Variants in PTPRE observed in about 807,000 individuals in gnomAD.
PTPRE encodes the protein protein tyrosine phosphatase receptor type E, also known as receptor-type tyrosine-protein phosphatase epsilon.
In PTPRE, 51 loss-of-function variants were observed where a neutral mutation model predicts 102.0. That is an observed-to-expected ratio of 0.50 (90% CI 0.40 to 0.63). The LOEUF is 0.63. PTPRE is among the 30% of genes least tolerant of loss of function. PTPRE has a pLI of 0.00. For missense variants in PTPRE, 752 were observed against 915.1 expected (o/e 0.82, Z 2.30); for synonymous variants, 345 against 348.2 (o/e 0.99, Z 0.10).
intron 12 of PTPRE, chr10:128,069,392 A>G: frequency 3.0e-6 from 1 of 334,496 alleles, no homozygotes; most frequent in Non-Finnish European, 5.5e-6. Context: ...TCACACATAT[A>G]AGAAGAAGAC....
chr10:128,049,887 G>T (rs970540934), intron 6 of PTPRE, among the ~76,000 whole-genome samples: 1 of 152,182 alleles, frequency 6.6e-6, no homozygotes, highest in Non-Finnish European at 1.5e-5. Context: ...TTAGAGGTTT[G>T]TGAAGCCTCC....
rs550848793 is a variant in PTPRE at position 128,073,722 on chromosome 10, T to C, written c.1599+251T>C. Among the ~76,000 whole-genome samples the C allele has an allele frequency of 2.0e-5, 3 of 152,232 alleles. No homozygotes were observed. In the South Asian group the frequency reaches 6.2e-4, roughly 31 times the overall value. On this transcript the variant is annotated intron_variant, in intron 17 of 20. Transcript: ENST00000254667. ...AGCCTACATGTTATTTAACCTGCCCTGAAATTCTGCCATTTGGTATTGGCC... is the reference window on the plus strand; with the variant it reads ...AGCCTACATGTTATTTAACCTGCCCCGAAATTCTGCCATTTGGTATTGGCC...
intron 20 of PTPRE, among the ~76,000 whole-genome samples, chr10:128,080,424 C>T (rs1186307450): frequency 6.6e-6 from 1 of 152,208 alleles, no homozygotes; most frequent in Non-Finnish European, 1.5e-5. Context: ...AGGAAGGAGG[C>T]CCTTCTACGT....
chr10:127,981,442 T>C (rs1056434146), intron 1 of PTPRE, among the ~76,000 whole-genome samples: 1 of 152,232 alleles, frequency 6.6e-6, no homozygotes, highest in African/African-American at 2.4e-5. Context: ...AACTGCACAC[T>C]TTAAACAAGT....
At chr10:128,049,088 G>A (rs1018176040) in intron 5 of PTPRE, among the ~76,000 whole-genome samples, 11 of 152,162 alleles carry the variant, frequency 7.2e-5, no homozygotes, top group Admixed American at 3.9e-4. Context: ...TTATGAAGAA[G>A]AAAAGGCTGA....
intron 1 of PTPRE, among the ~76,000 whole-genome samples, chr10:127,969,789 T>C (rs1850573853): frequency 6.6e-6 from 1 of 152,042 alleles, no homozygotes; most frequent in Non-Finnish European, 1.5e-5. Context: ...AAATTATACA[T>C]CTGGAGAATC....
intron 2 of PTPRE, among the ~76,000 whole-genome samples, chr10:127,996,375 G>A (rs890847890): frequency 1.2e-4 from 18 of 152,352 alleles, no homozygotes; most frequent in Admixed American, 8.5e-4. Context: ...GGACGTGAGT[G>A]GTTGCGTGTT....
chr10:128,028,047 C>T lies in PTPRE; in HGVS notation c.-7-12828C>T, dbSNP rs142560112. Among the ~76,000 whole-genome samples, 38 of 152,338 alleles carry T rather than the reference C, an allele frequency of 2.5e-4. No homozygotes were observed. The East Asian group carries it at 6.6e-3, about 26-fold the overall frequency. ...CAGAGGCTTCAGGGGAGGGTTCCGG[C>T]TTTGGCTGGGGGCGTGGGAGTCTCC... On this transcript the variant is annotated intron_variant, in intron 2 of 20. Transcript: ENST00000254667. The surrounding 1 kb of genome is among the most constrained non-coding windows in gnomAD (Gnocchi z 4.5).
At chr10:127,913,564 G>A (rs1231654127) in intron 1 of PTPRE, among the ~76,000 whole-genome samples, 4 of 152,186 alleles carry the variant, frequency 2.6e-5, no homozygotes, top group Admixed American at 2.6e-4. Flanking sequence ...GCATTTTTCA[G>A]GCTGTGTCTC....
At chr10:127,985,761 G>A (rs1307615855) in intron 2 of PTPRE, among the ~76,000 whole-genome samples, 1 of 151,906 alleles carries the variant, frequency 6.6e-6, no homozygotes, top group African/African-American at 2.4e-5. Flanking sequence ...TTTACTAGCA[G>A]TATTCCAATT....
intron 2 of PTPRE, among the ~76,000 whole-genome samples, chr10:128,013,171 G>A (rs1845151656): frequency 6.6e-6 from 1 of 152,156 alleles, no homozygotes; most frequent in Admixed American, 6.5e-5. Flanking sequence ...TTTACCAACA[G>A]AGTGTCAGTA....
At chr10:128,046,274 C>A (rs1025464357) in intron 3 of PTPRE, among the ~76,000 whole-genome samples, 1 of 152,162 alleles carries the variant, frequency 6.6e-6, no homozygotes, top group African/African-American at 2.4e-5. Flanking sequence ...GTGAGCGGAG[C>A]CTCTGGGGCT....
rs757316163 is a variant in PTPRE at position 128,041,002 on chromosome 10, T to A, written c.109+12T>A. 4.3e-6 allele frequency: 7 copies of A among 1,611,058 alleles called. No individual in the cohort carries two copies. In the East Asian group the frequency reaches 1.6e-4, roughly 36 times the overall value. The stretch of plus-strand genomic sequence containing the variant: ...AACCACGACCTCAGGTAAGGACCCC[T>A]TTCCCTGGCTGCCTCCCCTACTACC... On this transcript the variant is annotated intron_variant, in intron 3 of 20. Coordinates refer to ENST00000254667, the MANE Select transcript of PTPRE (RefSeq NM_006504.6).
At chr10:127,987,877 A>G (rs1852229864) in intron 2 of PTPRE, among the ~76,000 whole-genome samples, 1 of 152,228 alleles carries the variant, frequency 6.6e-6, no homozygotes, top group Non-Finnish European at 1.5e-5. Flanking sequence ...AGCAAGTGTG[A>G]GGGACCTGGA....
intron 2 of PTPRE, among the ~76,000 whole-genome samples, chr10:128,035,858 G>A (rs766821695): frequency 4.0e-4 from 61 of 152,284 alleles, no homozygotes; most frequent in Non-Finnish European, 7.9e-4. Flanking sequence ...TTGAGGTGCC[G>A]GAGAGAAAGT....
At chr10:127,969,550 C>G (rs1176389576) in intron 1 of PTPRE, among the ~76,000 whole-genome samples, 1 of 152,042 alleles carries the variant, frequency 6.6e-6, no homozygotes, top group Non-Finnish European at 1.5e-5. Flanking sequence ...CACCTGTAAT[C>G]CCAGCTACTC....
chr10:128,058,054 A>T (rs1849155200), intron 7 of PTPRE, among the ~76,000 whole-genome samples: 1 of 152,246 alleles, frequency 6.6e-6, no homozygotes, highest in Non-Finnish European at 1.5e-5. Flanking sequence ...AGTGCTAAGC[A>T]CATTCCTGAA....
intron 1 of PTPRE, chr10:127,929,318 A>G (rs564172688): frequency 5.7e-4 from 87 of 152,356 alleles, no homozygotes; most frequent in Non-Finnish European, 9.8e-4. Context: ...GAATTATTAC[A>G]TAAATCCTTA....
At chr10:127,920,267 C>A (rs376017731) in intron 1 of PTPRE, among the ~76,000 whole-genome samples, 1 of 152,170 alleles carries the variant, frequency 6.6e-6, no homozygotes, top group Admixed American at 6.5e-5. Context: ...GGAAAGCCTC[C>A]GTGAGAAGAG....
Sources: allele counts gnomAD v4.1 joint callset (sites outside exome capture counted in the v4.1 genomes callset), GRCh38; gene constraint gnomAD v4.1.1; non-coding constraint Gnocchi (gnomAD v3.1); transcripts MANE v1.5; gene names NCBI Gene and HGNC (gene_info 2026-07-23, HGNC 2026-07-21).